PLEKHH1: variants seen among roughly 807,000 people sequenced by gnomAD.
PLEKHH1 encodes pleckstrin homology, MyTH4 and FERM domain containing H1.
Under a neutral mutation model 160.0 loss-of-function variants are expected in PLEKHH1, and 104 were observed. The observed-to-expected ratio is 0.65, with a 90% CI of 0.55 to 0.76. The LOEUF (loss-of-function observed/expected upper bound fraction) is 0.76, where lower values mean the gene tolerates loss of function less well. PLEKHH1 is among the 30% of genes least tolerant of loss of function. The pLI is 0.00. For synonymous variants in PLEKHH1, 619 were observed against 678.4 expected, an observed-to-expected ratio of 0.91 and a Z score of 1.36; for missense variants, 1,427 against 1,724.1, an observed-to-expected ratio of 0.83 and a Z score of 3.05.
At chr14:67,562,941 A>G in intron 7 of PLEKHH1, 47 bp downstream of exon 7, 1 of 1,566,718 alleles carries the variant, frequency 6.4e-7, no homozygotes, top group Non-Finnish European at 8.7e-7. Context: ...GCTAATGGCA[A>G]GAACACTGCT....
intron 23 of PLEKHH1, 53 bp downstream of exon 23, chr14:67,581,091 C>A: frequency 8.8e-7 from 1 of 1,134,786 alleles, no homozygotes; most frequent in Non-Finnish European, 1.3e-6. Flanking sequence ...CCACTGGGTG[C>A]CAGCTCATCG....
In PLEKHH1 at chr14:67,562,045, C is replaced by T. The variant is rs367943857; in HGVS notation, c.505+10C>T. On this transcript the variant is annotated intron_variant, in intron 6 of 28. Coordinates refer to ENST00000329153, the MANE Select transcript of PLEKHH1 (RefSeq NM_020715.3). ...CAAGATGCGCTAGAAGGTAGGCAGG[C>T]CAGGGTGTGCAGGTGTGCAGTACGT... 2.8e-5 allele frequency: 45 copies of T among 1,612,808 alleles called. No homozygotes were observed. Among genetic ancestry groups the T allele is most frequent in the Non-Finnish European group, 3.7e-5 (44 of 1,178,922 alleles).
chr14:67,580,768 GCT>G, intron 22 of PLEKHH1, 168 bp from the exon 23 acceptor site: 2 of 578,442 alleles, frequency 3.5e-6, no homozygotes, highest in South Asian at 4.1e-5. Context: ...TGAGGGAGCT[GCT>G]GCCACCTTGG....
intron 3 of PLEKHH1, 41 bp from the exon 4 acceptor site, chr14:67,557,228 T>G: frequency 6.3e-7 from 1 of 1,589,268 alleles, no homozygotes; most frequent in Non-Finnish European, 8.6e-7. Context: ...ACACCCCGTG[T>G]GAGTGATGGG....
intron 2 of PLEKHH1, among the ~76,000 whole-genome samples, chr14:67,542,247 C>T (rs1594742954): frequency 6.6e-6 from 1 of 152,326 alleles, no homozygotes; most frequent in South Asian, 2.1e-4. Flanking sequence ...CCATCACTTC[C>T]GGAGTCACCT....
rs117188599 is a variant in PLEKHH1 at position 67,543,439 on chromosome 14, C to T, written c.126+1446C>T. On this transcript the variant is annotated intron_variant, in intron 2 of 28. Transcript: ENST00000329153. ...CCGATAGAAAGGAATGAATATACATCAGGAAAGGGCAGCAGACCTTAGACA... is the reference window on the plus strand; with the variant it reads ...CCGATAGAAAGGAATGAATATACATTAGGAAAGGGCAGCAGACCTTAGACA... Among the ~76,000 whole-genome samples, 677 of 152,258 alleles carry T rather than the reference C, an allele frequency of 4.4e-3. 18 individuals carry two copies. In the East Asian group the frequency reaches 0.062, roughly 14 times the overall value.
intron 10 of PLEKHH1, 68 bp downstream of exon 10, chr14:67,571,970 T>C: frequency 6.5e-7 from 1 of 1,532,928 alleles, no homozygotes; most frequent in Non-Finnish European, 8.8e-7. Flanking sequence ...CATGGGCACT[T>C]GAACATGGGC....
At chr14:67,558,891 G>A (rs1436222772) in intron 4 of PLEKHH1, among the ~76,000 whole-genome samples, 2 of 152,198 alleles carry the variant, frequency 1.3e-5, no homozygotes, top group East Asian at 3.8e-4. Context: ...CAGATAATAC[G>A]TAAATGAATG....
intron 1 of PLEKHH1, among the ~76,000 whole-genome samples, chr14:67,535,445 A>G (rs915085904): frequency 7.4e-6 from 1 of 135,724 alleles, no homozygotes; most frequent in Non-Finnish European, 1.5e-5. Context: ...CAGTGGTGCA[A>G]TCTCAGCTCA....
Position 67,535,370 on chromosome 14 carries a change from CTTTTTTTTTTTTT to C in PLEKHH1, c.-35+1988_-35+2000del, listed in dbSNP as rs71129833. On this transcript the variant is annotated intron_variant, in intron 1 of 28. Coordinates refer to ENST00000329153, the MANE Select transcript of PLEKHH1 (RefSeq NM_020715.3). ...GAGTTAGATCTGGTAGTGAGCACAT[CTTTTTTTTTTTTT>C]TTTTTTTTTTTTTTTGAGCCAGAGT... Among the ~76,000 whole-genome samples, 137 of 74,230 alleles carry C rather than the reference CTTTTTTTTTTTTT, an allele frequency of 1.8e-3. 1 individual carries two copies. Among genetic ancestry groups the C allele is most frequent in the African/African-American group, 5.4e-3 (89 of 16,520 alleles). The allele number at this position is 74,230 out of a possible 152,430, so 48.7% of individuals were successfully genotyped here.
At position 67,553,339 on chromosome 14, in the gene PLEKHH1, C is replaced by T. The variant is rs2034471828; in HGVS notation, c.127-2486C>T. Among the ~76,000 whole-genome samples, 3 of 152,082 alleles carry T rather than the reference C, an allele frequency of 2.0e-5. No individual in the cohort carries two copies. The South Asian group carries it at 6.2e-4, about 32-fold the overall frequency. ...TTTTATTCTTGAAAAAGAAAATGCT[C>T]CTCATCATTGCATTCATTAGATTAT... On this transcript the variant is annotated intron_variant, in intron 2 of 28. Transcript: ENST00000329153.
chr14:67,587,985 T>C lies in PLEKHH1; in HGVS notation c.*750T>C, dbSNP rs923210285. 5.2e-5 allele frequency: 8 copies of C among 152,612 alleles called. No homozygotes were observed. The South Asian group carries it at 6.2e-4, about 12-fold the overall frequency. The allele number at this position is 152,612 out of a possible 1,614,324, so 9.5% of individuals were successfully genotyped here. On this transcript the variant is annotated 3_prime_UTR_variant, in exon 29 of 29. Transcript: ENST00000329153. ...TAGAACTCACTAAACTGGGCTGCCT[T>C]TCCCAAATGGGAAAGGTGCTGACAG...
intron 7 of PLEKHH1, among the ~76,000 whole-genome samples, chr14:67,565,290 C>T (rs143015199): frequency 6.6e-6 from 1 of 152,204 alleles, no homozygotes; most frequent in East Asian, 1.9e-4. Context: ...GTCACTCAGG[C>T]TGGAGTGCAG....
intron 23 of PLEKHH1, among the ~76,000 whole-genome samples, chr14:67,581,281 C>CAA (rs1221147976): frequency 6.6e-6 from 1 of 151,616 alleles, no homozygotes; most frequent in African/African-American, 2.4e-5. Flanking sequence ...TATGCACACA[C>CAA]ACACACACAC....
In PLEKHH1 at chr14:67,569,230, G is replaced by A. The variant is rs1401459704; in HGVS notation, c.1342+14G>A. The A allele has an allele frequency of 1.9e-6, 3 of 1,578,472 alleles. No individual in the cohort carries two copies. The highest frequency in any genetic ancestry group is 2.6e-6 in the Non-Finnish European group (3 of 1,147,704). The stretch of plus-strand genomic sequence containing the variant: ...CTGCATGCTGCGGTGAGTTCCAAGT[G>A]AGGCTTGGAGGCACCAAACACCCAA... On this transcript the variant is annotated intron_variant, in intron 8 of 28. Transcript: ENST00000329153.
chr14:67,535,069 A>G (rs1002382168), intron 1 of PLEKHH1, among the ~76,000 whole-genome samples: 1 of 152,326 alleles, frequency 6.6e-6, no homozygotes, highest in Non-Finnish European at 1.5e-5. Flanking sequence ...ATATACTTTG[A>G]TGTAGGAATA....
chr14:67,553,558 GGAGA>G (rs1222430382), intron 2 of PLEKHH1, among the ~76,000 whole-genome samples: 2 of 152,166 alleles, frequency 1.3e-5, no homozygotes, highest in Admixed American at 6.5e-5. Flanking sequence ...CCAGATTCCT[GGAGA>G]GAGAGAATCT....
At chr14:67,565,918 G>A (rs1217187463) in intron 7 of PLEKHH1, among the ~76,000 whole-genome samples, 1 of 151,976 alleles carries the variant, frequency 6.6e-6, no homozygotes, top group Non-Finnish European at 1.5e-5. Flanking sequence ...TCAGGAGTTC[G>A]AGACCAGCCT....
Position 67,575,984 on chromosome 14 carries a change from C to T in PLEKHH1, c.2331C>T (p.Leu777=), listed in dbSNP as rs749952815. 4.3e-6 allele frequency: 7 copies of T among 1,612,686 alleles called. No individual in the cohort carries two copies. In the South Asian group the frequency reaches 5.5e-5, roughly 13 times the overall value. ...HPTEHSPTYL[L]IGTKHEKDTW... ...CAGAGCACAGCCCCACCTACCTCCTCATTGGCACCAAGCATGAAAAGGTAA... is the reference window on the plus strand; with the variant it reads ...CAGAGCACAGCCCCACCTACCTCCTTATTGGCACCAAGCATGAAAAGGTAA... Residue 777 remains leucine (L), a synonymous_variant, in exon 16 of 29, where the codon CTC becomes CTT. Coordinates refer to ENST00000329153, the MANE Select transcript of PLEKHH1 (RefSeq NM_020715.3).
Sources: allele counts gnomAD v4.1 joint callset (sites outside exome capture counted in the v4.1 genomes callset), GRCh38; gene constraint gnomAD v4.1.1; transcripts MANE v1.5; gene names NCBI Gene and HGNC (gene_info 2026-07-23, HGNC 2026-07-21).